RBPJL: variants seen among roughly 807,000 people sequenced by gnomAD.
RBPJL encodes recombining binding protein suppressor of hairless-like protein.
In RBPJL, 50 loss-of-function variants were observed where a neutral mutation model predicts 57.6. The observed-to-expected ratio is 0.87, with a 90% confidence interval of 0.69 to 1.10. The LOEUF is 1.10. Ranked by LOEUF, RBPJL falls within the 50% of genes least tolerant of loss-of-function variation. The pLI is 0.00. For synonymous variants in RBPJL, 303 were observed against 294.4 expected, an observed-to-expected ratio of 1.03 and a Z score of -0.30; for missense variants, 684 against 693.7, an observed-to-expected ratio of 0.99 and a Z score of 0.16.
At chr20:45,313,271 AC>A (rs1987280760) in intron 6 of RBPJL, among the ~76,000 whole-genome samples, 196 bp from the exon 7 acceptor site, 1 of 151,010 alleles carries the variant, frequency 6.6e-6, no homozygotes, top group Admixed American at 6.6e-5. Flanking sequence ...CCTCACCCTG[AC>A]CCCCTCCCTC....
chr20:45,312,725 C>T (rs1429086238), intron 6 of RBPJL, among the ~76,000 whole-genome samples: 1 of 150,614 alleles, frequency 6.6e-6, no homozygotes, highest in Non-Finnish European at 1.5e-5. Flanking sequence ...CACGGTGGCT[C>T]ATGCCTGTAA....
intron 6 of RBPJL, 82 bp from the exon 7 acceptor site, chr20:45,313,386 C>A (rs550874182): frequency 1.2e-4 from 148 of 1,227,104 alleles, no homozygotes; most frequent in South Asian, 6.8e-4. Flanking sequence ...CTAACCCTAA[C>A]CCCAATCCTA....
chr20:45,317,513 C>T lies in RBPJL; in HGVS notation c.*554C>T, dbSNP rs1369994130. ...TGGAATATTAGATCCACCTGGAGCACCGGGTCTCTCTAAGTCTCACCTGGG... is the reference window on the plus strand; with the variant it reads ...TGGAATATTAGATCCACCTGGAGCATCGGGTCTCTCTAAGTCTCACCTGGG... On this transcript the variant is annotated 3_prime_UTR_variant, in exon 12 of 12. Coordinates refer to ENST00000343694, the MANE Select transcript of RBPJL (RefSeq NM_014276.4). The T allele has an allele frequency of 6.5e-6, 1 of 153,676 alleles. No individual in the cohort carries two copies. The highest frequency in any genetic ancestry group is 1.4e-5 in the Non-Finnish European group (1 of 69,240). 9.5% of individuals were successfully genotyped at this position (153,676 alleles called of 1,614,324 possible). A position where few individuals can be genotyped will look rare whatever the true frequency, so the allele number is the denominator to read the frequency against.
In RBPJL at chr20:45,313,608, A is replaced by G; in HGVS notation, c.757+3A>G. The G allele has an allele frequency of 1.2e-6, 2 of 1,604,396 alleles. No homozygotes were observed. Among genetic ancestry groups the G allele is most frequent in the Non-Finnish European group, 1.7e-6 (2 of 1,174,802 alleles). ...GGCTGCCTTCACGCTCCACCTGGGT[A>G]ATGACATCTGCAGGCCCTGGAGCTG... On this transcript the variant is annotated splice_donor_region_variant and intron_variant, in intron 7 of 11. Transcript: ENST00000343694.
At chr20:45,314,629 T>G (rs1219419506) in intron 9 of RBPJL, 64 bp downstream of exon 9, 19 of 1,502,086 alleles carry the variant, frequency 1.3e-5, no homozygotes, top group Non-Finnish European at 1.6e-5. Flanking sequence ...AACCACAGAA[T>G]GTAAGATCAT....
chr20:45,307,349 C>T (rs1986808655), intron 1 of RBPJL, among the ~76,000 whole-genome samples: 1 of 152,168 alleles, frequency 6.6e-6, no homozygotes, highest in Non-Finnish European at 1.5e-5. Flanking sequence ...CTTCTCATCC[C>T]GGATTCTTCT....
intron 6 of RBPJL, among the ~76,000 whole-genome samples, chr20:45,312,661 G>T (rs994825620): frequency 4.6e-5 from 7 of 152,050 alleles, no homozygotes; most frequent in African/African-American, 1.7e-4. Flanking sequence ...GCAGACAAAA[G>T]TTGAACTAGG....
intron 4 of RBPJL, 27 bp from the exon 5 acceptor site, chr20:45,311,812 G>T: frequency 6.5e-7 from 1 of 1,543,076 alleles, no homozygotes; most frequent in East Asian, 2.4e-5. Context: ...CCGAGTCCTT[G>T]CAGAGCCAGT....
intron 1 of RBPJL, among the ~76,000 whole-genome samples, 178 bp downstream of exon 1, chr20:45,307,122 C>G (rs1169654274): frequency 2.0e-5 from 3 of 151,976 alleles, no homozygotes; most frequent in African/African-American, 7.3e-5. Context: ...CTCTTGAGGC[C>G]CCCTGGCGCC....
chr20:45,312,421 G>A (rs1207602953), intron 6 of RBPJL, 26 bp downstream of exon 6: 1 of 1,599,458 alleles, frequency 6.3e-7, no homozygotes, highest in Admixed American at 1.7e-5. Context: ...CCTGACCCCC[G>A]GCCCGGGCGG....
intron 3 of RBPJL, 56 bp from the exon 4 acceptor site, chr20:45,311,533 A>AC: frequency 6.4e-7 from 1 of 1,554,802 alleles, no homozygotes; most frequent in Non-Finnish European, 8.9e-7. Flanking sequence ...TGCCGTGCTT[A>AC]CAGGAGAGCC....
chr20:45,316,301 C>G lies in RBPJL; in HGVS notation c.1135C>G (p.Leu379Val). ...CTTCAGCACCAGCCTGGCGTGTACC[C>G]TGGAGCCGGTCACTCCGGTGCCTCT... is the stretch of plus-strand genomic sequence containing the variant. ...FSFSTSLACT[L>V]EPVTPVPLIS... Residue 379 changes from leucine to valine, a missense_variant, in exon 10 of 12, where the codon CTG (leucine) becomes GTG (valine). Transcript: ENST00000343694. 2 of 1,614,214 alleles carry G rather than the reference C, an allele frequency of 1.2e-6. No individual in the cohort carries two copies. Among genetic ancestry groups the G allele is most frequent in the South Asian group, 1.1e-5 (1 of 91,084 alleles).
intron 3 of RBPJL, 112 bp from the exon 4 acceptor site, chr20:45,311,477 A>T: frequency 2.2e-6 from 2 of 924,904 alleles, no homozygotes; most frequent in East Asian, 2.5e-5. Flanking sequence ...CGTTGCGGGG[A>T]GCGGGAGGAG....
chr20:45,310,478 G>A (rs1987109668), intron 3 of RBPJL, among the ~76,000 whole-genome samples: 1 of 152,062 alleles, frequency 6.6e-6, no homozygotes, highest in Admixed American at 6.6e-5. Context: ...ATGGTGGCGG[G>A]CACCTGTAAT....
intron 3 of RBPJL, among the ~76,000 whole-genome samples, chr20:45,310,918 G>T (rs1322952643): frequency 6.6e-6 from 1 of 152,042 alleles, no homozygotes; most frequent in Non-Finnish European, 1.5e-5. Context: ...TTCCAGACCT[G>T]CATGGGCAAC....
In RBPJL at chr20:45,316,854, G is replaced by A; in HGVS notation, c.1449G>A (p.Pro483=). Residue 483 remains proline (P), a synonymous_variant, in exon 12 of 12, where the codon CCG becomes CCA. Transcript: ENST00000343694. ...FTYTPEYSVR[P]GHPGVPEPAT... Reference sequence around the variant, plus strand: ...ACACCCCGGAATACAGCGTGCGGCCGGGTCACCCCGGCGTCCCCGAGCCCG... The same window carrying A: ...ACACCCCGGAATACAGCGTGCGGCCAGGTCACCCCGGCGTCCCCGAGCCCG... 1 of 1,613,882 alleles carries A rather than the reference G, an allele frequency of 6.2e-7. No homozygotes were observed. Among genetic ancestry groups the A allele is most frequent in the Non-Finnish European group, 8.5e-7 (1 of 1,179,852 alleles).
In RBPJL at chr20:45,311,900, C is replaced by T. The variant is rs748331407; in HGVS notation, c.390C>T (p.Ser130=). ...GTTACATGGGACTGGACAGCGCGTC[C>T]GGCAGCGCCACTGAGACGCAGAAGC... ...VCGYMGLDSA[S]GSATETQKLN... is the part of the protein sequence containing the mutation. The change falls in exon 5 of 12, where the codon TCC becomes TCT. Residue 130 remains serine, a synonymous_variant. Transcript: ENST00000343694. 3.2e-6 allele frequency: 5 copies of T among 1,539,742 alleles called. No homozygotes were observed. Among genetic ancestry groups the T allele is most frequent in the South Asian group, 1.2e-5 (1 of 83,060 alleles).
At position 45,311,803 on chromosome 20, in the gene RBPJL, C is replaced by G. The variant is rs543590887; in HGVS notation, c.329-36C>G. 1.0e-4 allele frequency: 154 copies of G among 1,535,412 alleles called. No homozygotes were observed. In the South Asian group the frequency reaches 1.5e-3, roughly 15 times the overall value. ...AGCTTGCCTGGCACCTGCGTCCTCC[C>G]GAGTCCTTGCAGAGCCAGTTCGCGT... On this transcript the variant is annotated intron_variant, in intron 4 of 11. Coordinates refer to ENST00000343694, the MANE Select transcript of RBPJL (RefSeq NM_014276.4).
chr20:45,311,529 G>A (rs1016809118), intron 3 of RBPJL, 60 bp from the exon 4 acceptor site: 10 of 1,526,744 alleles, frequency 6.5e-6, no homozygotes, highest in Middle Eastern at 1.7e-4. Context: ...ACCTTGCCGT[G>A]CTTACAGGAG....
Sources: gnomAD v4.1 joint callset for allele counts (sites outside exome capture counted in the v4.1 genomes callset) on GRCh38, gnomAD v4.1.1 for gene constraint, MANE v1.5 for transcripts, NCBI Gene and HGNC (gene_info 2026-07-23, HGNC 2026-07-21) for gene names.